Variants in TENM2 observed in about 807,000 individuals in gnomAD.
The protein encoded by TENM2 is teneurin-2.
In TENM2, 52 loss-of-function variants were observed where a neutral mutation model predicts 245.2. That is an observed-to-expected ratio of 0.21 (90% CI 0.17 to 0.27). The LOEUF is 0.27. TENM2 is among the 10% of genes least tolerant of loss of function. TENM2 has a pLI of 1.00. For missense variants in TENM2, 3,046 were observed against 3,666.8 expected (o/e 0.83, Z 4.37); for synonymous variants, 1,363 against 1,438.9 (o/e 0.95, Z 1.19).
At chr5:167,125,884 G>A in the TENM2 span, among the ~76,000 whole-genome samples, 1 of 152,282 alleles carries the variant, frequency 6.6e-6, no homozygotes, top group South Asian at 2.1e-4. Context: ...CTTGCTGCAG[G>A]TCACACAGCT....
chr5:167,400,617 C>A (rs1265054653), intron 2 of TENM2, among the ~76,000 whole-genome samples: 1 of 151,956 alleles, frequency 6.6e-6, no homozygotes, highest in Admixed American at 6.6e-5. Flanking sequence ...GGGGCTACAT[C>A]AGGGGATGAG....
At chr5:167,643,592 A>C (rs1342161774) in intron 2 of TENM2, among the ~76,000 whole-genome samples, 3 of 152,232 alleles carry the variant, frequency 2.0e-5, no homozygotes, top group Non-Finnish European at 2.9e-5. Flanking sequence ...TAAGATCCAG[A>C]TTCAGAGTCA....
At chr5:167,696,932 C>T (rs1457083186) in intron 2 of TENM2, among the ~76,000 whole-genome samples, 1 of 152,186 alleles carries the variant, frequency 6.6e-6, no homozygotes, top group Non-Finnish European at 1.5e-5. Context: ...AGAAGCTCAT[C>T]ACCTAACTTG....
intron 2 of TENM2, among the ~76,000 whole-genome samples, chr5:167,514,774 G>T (rs1291349094): frequency 6.6e-6 from 1 of 152,162 alleles, no homozygotes; most frequent in Non-Finnish European, 1.5e-5. Context: ...ACTTTGGGAG[G>T]CTGAGGGGGG....
intron 13 of TENM2, 84 bp downstream of exon 15, chr5:168,162,841 AC>A: frequency 1.4e-6 from 2 of 1,468,536 alleles, no homozygotes; most frequent in Non-Finnish European, 1.9e-6. Flanking sequence ...CTTCGGAAAG[AC>A]CTCCCCTGCA....
the TENM2 span, among the ~76,000 whole-genome samples, chr5:167,099,963 T>C: frequency 6.6e-6 from 1 of 152,168 alleles, no homozygotes; most frequent in Non-Finnish European, 1.5e-5. Context: ...CTGAGTCCTT[T>C]TGAGGTTTCC....
chr5:167,358,564 C>A (rs1383558649), intron 1 of TENM2, among the ~76,000 whole-genome samples: 1 of 151,494 alleles, frequency 6.6e-6, no homozygotes, highest in Non-Finnish European at 1.5e-5. Context: ...ACTCCAAGCT[C>A]TTAATAGGAA....
At chr5:167,076,405 T>G in the TENM2 span, among the ~76,000 whole-genome samples, 2 of 152,174 alleles carry the variant, frequency 1.3e-5, no homozygotes, top group Non-Finnish European at 2.9e-5. Flanking sequence ...AGATTGCCTT[T>G]GATAAGAGCT....
chr5:168,055,192 G>A lies in TENM2; in HGVS notation c.1310-6868G>A, dbSNP rs116772823. On this transcript the variant is annotated intron_variant, in intron 6 of 28. Transcript: ENST00000518659. ...TTCATAGGACGCTGGACAACAGGCTGCCTAGATAAGAGATAATGGGAATAC... is the reference window on the plus strand; with the variant it reads ...TTCATAGGACGCTGGACAACAGGCTACCTAGATAAGAGATAATGGGAATAC... 8.4e-3 allele frequency among the ~76,000 whole-genome samples: 1,284 copies of A among 152,270 alleles called. 22 individuals are homozygous for A. Among genetic ancestry groups the A allele is most frequent in the African/African-American group, 0.029 (1,223 of 41,534 alleles).
chr5:167,422,113 G>T (rs1763544235), intron 2 of TENM2, among the ~76,000 whole-genome samples: 2 of 152,026 alleles, frequency 1.3e-5, no homozygotes, highest in South Asian at 4.1e-4. Flanking sequence ...AGAATGTTTT[G>T]TCTACCCTCT....
chr5:167,862,483 T>G (rs949173992), intron 2 of TENM2, among the ~76,000 whole-genome samples: 5 of 152,200 alleles, frequency 3.3e-5, no homozygotes, highest in Admixed American at 6.5e-5. Context: ...TGAGGATGAG[T>G]AGCCATGTGG....
At chr5:167,138,531 A>G in the TENM2 span, among the ~76,000 whole-genome samples, 1 of 151,908 alleles carries the variant, frequency 6.6e-6, no homozygotes, top group Non-Finnish European at 1.5e-5. Context: ...ATCTTGGCCA[A>G]TGCATTGAAC....
intron 2 of TENM2, among the ~76,000 whole-genome samples, chr5:167,873,302 G>A (rs1476277434): frequency 2.6e-5 from 4 of 152,220 alleles, no homozygotes; most frequent in Non-Finnish European, 5.9e-5. Flanking sequence ...TTGGGATTGG[G>A]AGATGGGAAC....
At chr5:167,864,999 G>A (rs573660090) in intron 2 of TENM2, among the ~76,000 whole-genome samples, 16 of 152,180 alleles carry the variant, frequency 1.1e-4, no homozygotes, top group Middle Eastern at 3.4e-3. Context: ...AAATTGTTTC[G>A]GCATCGGCAT....
At chr5:167,302,305 G>T (rs1377710139) in intron 1 of TENM2, among the ~76,000 whole-genome samples, 4 of 152,088 alleles carry the variant, frequency 2.6e-5, no homozygotes, top group Non-Finnish European at 5.9e-5. Flanking sequence ...TCAGGTGTGA[G>T]TTGAAGAGGT....
chr5:167,047,925 A>C, the TENM2 span, among the ~76,000 whole-genome samples: 1 of 148,294 alleles, frequency 6.7e-6, no homozygotes, highest in African/African-American at 2.6e-5. Flanking sequence ...CTTCATCACT[A>C]GAGAGAGACA....
intron 13 of TENM2, among the ~76,000 whole-genome samples, chr5:168,190,131 C>T (rs1257036270): frequency 3.3e-5 from 5 of 152,184 alleles, no homozygotes; most frequent in Non-Finnish European, 5.9e-5. Flanking sequence ...CATTTGTCAA[C>T]ATTTTAAATT....
At chr5:167,159,490 A>G in the TENM2 span, among the ~76,000 whole-genome samples, 1 of 152,156 alleles carries the variant, frequency 6.6e-6, no homozygotes, top group African/African-American at 2.4e-5. Context: ...TCACCACAGA[A>G]ATAACCTTGT....
At chr5:167,680,340 TG>T (rs1756621948) in intron 2 of TENM2, among the ~76,000 whole-genome samples, 1 of 149,606 alleles carries the variant, frequency 6.7e-6, no homozygotes, top group African/African-American at 2.5e-5. Flanking sequence ...AAGAAAGAGT[TG>T]GGGGAAAGGT....
Sources: allele counts gnomAD v4.1 joint callset (sites outside exome capture counted in the v4.1 genomes callset), GRCh38; gene constraint gnomAD v4.1.1; transcripts MANE v1.5; gene names NCBI Gene and HGNC (gene_info 2026-07-23, HGNC 2026-07-21).